The following RPTOR variants were observed in gnomAD, a reference collection of about 807,000 sequenced individuals.
The protein encoded by RPTOR is regulatory-associated protein of mTOR.
A neutral mutation model predicts 169.9 loss-of-function variants in RPTOR; 21 were observed. The ratio of observed to expected loss-of-function variants is 0.12; its 90% CI spans 0.09 to 0.18. The LOEUF is 0.18. Ranked by LOEUF, RPTOR falls within the 10% of genes least tolerant of loss-of-function variation. The probability of loss-of-function intolerance (pLI) is 1.00; values close to 1 mark genes in which losing one functional copy is unlikely to be tolerated. For synonymous variants in RPTOR, 732 were observed against 753.2 expected, an observed-to-expected ratio of 0.97 and a Z score of 0.46; for missense variants, 1,133 against 1,855.9, an observed-to-expected ratio of 0.61 and a Z score of 7.16.
chr17:80,857,340 C>T (rs1567952027), intron 12 of RPTOR, among the ~76,000 whole-genome samples: 1 of 152,160 alleles, frequency 6.6e-6, no homozygotes, highest in South Asian at 2.1e-4. Context: ...CTGGCCGTGC[C>T]GTCACGGAGA....
At chr17:80,577,663 T>C (rs1315341797) in intron 1 of RPTOR, among the ~76,000 whole-genome samples, 1 of 152,086 alleles carries the variant, frequency 6.6e-6, no homozygotes, top group African/African-American at 2.4e-5. Flanking sequence ...AAGCAATAGA[T>C]AAAGAGGTAG....
intron 1 of RPTOR, among the ~76,000 whole-genome samples, chr17:80,553,051 G>C (rs1305999888): frequency 6.6e-6 from 1 of 152,218 alleles, no homozygotes; most frequent in Admixed American, 6.5e-5. Flanking sequence ...TTTCCACTCT[G>C]TTGATACCTG....
intron 6 of RPTOR, among the ~76,000 whole-genome samples, chr17:80,784,744 G>A (rs2066975083): frequency 6.6e-6 from 1 of 151,006 alleles, no homozygotes; most frequent in Admixed American, 6.6e-5. Flanking sequence ...TTTTGCCAAG[G>A]CTGGAGTGCA....
chr17:80,898,015 C>G (rs1364870613), intron 20 of RPTOR, among the ~76,000 whole-genome samples: 1 of 152,216 alleles, frequency 6.6e-6, no homozygotes, highest in Non-Finnish European at 1.5e-5. Context: ...TTTTATAAGA[C>G]AAAGATGATG....
At chr17:80,575,701 C>A (rs2064957073) in intron 1 of RPTOR, among the ~76,000 whole-genome samples, 1 of 152,160 alleles carries the variant, frequency 6.6e-6, no homozygotes, top group African/African-American at 2.4e-5. Context: ...GTTGGTGCCA[C>A]CTTTTATACG....
rs147376628 is a variant in RPTOR, at chr17:80,869,502, G to A, written c.1510-10913G>A. ...AAGAAACACCCCCAAAAATGTGGGG[G>A]GATTTATTCTCAAGACTAATGTGTA... is the stretch of plus-strand genomic sequence containing the variant. On this transcript the variant is annotated intron_variant, in intron 13 of 33. Transcript: ENST00000306801. 7.8e-3 allele frequency among the ~76,000 whole-genome samples: 1,185 copies of A among 152,200 alleles called. 18 individuals carry two copies. Among genetic ancestry groups the A allele is most frequent in the African/African-American group, 0.027 (1,120 of 41,516 alleles).
intron 1 of RPTOR, among the ~76,000 whole-genome samples, chr17:80,549,031 A>C (rs909236048): frequency 6.6e-6 from 1 of 152,162 alleles, no homozygotes; most frequent in African/African-American, 2.4e-5. Flanking sequence ...GATGACTCCC[A>C]AGAAGTTTTT....
rs931060681 is a variant in RPTOR at position 80,651,507 on chromosome 17, T to A, written c.348+7697T>A. On this transcript the variant is annotated intron_variant, in intron 3 of 33. Coordinates refer to ENST00000306801, the MANE Select transcript of RPTOR (RefSeq NM_020761.3). This position sits in a 1 kb window ranked among gnomAD's most constrained non-coding sequence, Gnocchi z 4.1. ...CAGCTCCCTCCCAAATGTCCGCGATTTACTTGTTGGTATGACACATAATGG... is the reference window on the plus strand; with the variant it reads ...CAGCTCCCTCCCAAATGTCCGCGATATACTTGTTGGTATGACACATAATGG... Among the ~76,000 whole-genome samples the A allele has an allele frequency of 5.9e-5, 9 of 151,370 alleles. No homozygotes were observed. Among genetic ancestry groups the A allele is most frequent in the African/African-American group, 2.2e-4 (9 of 40,884 alleles).
chr17:80,862,770 T>G (rs1478071185), intron 13 of RPTOR, among the ~76,000 whole-genome samples: 2 of 152,222 alleles, frequency 1.3e-5, no homozygotes, highest in Non-Finnish European at 2.9e-5. Flanking sequence ...TCCCTGTGAC[T>G]CCTGGGGCTT....
At chr17:80,883,563 G>C in intron 15 of RPTOR, 79 bp downstream of exon 15, 1 of 1,429,146 alleles carries the variant, frequency 7.0e-7, no homozygotes, top group Non-Finnish European at 9.8e-7. Context: ...GAAACGTGGT[G>C]CCACATGGGG....
intron 3 of RPTOR, among the ~76,000 whole-genome samples, chr17:80,647,102 G>A (rs1390084415): frequency 6.6e-6 from 1 of 152,092 alleles, no homozygotes; most frequent in Admixed American, 6.5e-5. Context: ...ATTTTTTTCT[G>A]AAGGCTGCCA....
At position 80,826,571 on chromosome 17, in the gene RPTOR, C is replaced by T. The variant is rs532922827; in HGVS notation, c.1136+3348C>T. 6.6e-5 allele frequency among the ~76,000 whole-genome samples: 10 copies of T among 152,372 alleles called. No homozygotes were observed. In the South Asian group the frequency reaches 1.2e-3, roughly 19 times the overall value. On this transcript the variant is annotated intron_variant, in intron 9 of 33. Transcript: ENST00000306801. ...GAACTGTGTTCATGTAGAATCACAG[C>T]GGCGATGCCCTTAATTGCTAGGCTG...
intron 9 of RPTOR, among the ~76,000 whole-genome samples, chr17:80,826,444 G>T (rs981223102): frequency 2.0e-5 from 3 of 152,224 alleles, no homozygotes; most frequent in African/African-American, 7.2e-5. Context: ...CGCAGGTCTG[G>T]ACTAGAAGAG....
In RPTOR at chr17:80,730,750, G is replaced by GTTTTTT. The variant is rs2066384349; in HGVS notation, c.654+48_654+49insTTTTTT. 6.4e-5 allele frequency: 35 copies of GTTTTTT among 550,284 alleles called. No homozygotes were observed. The highest frequency in any genetic ancestry group is 6.5e-4 in the Middle Eastern group (1 of 1,546). 34.1% of individuals were successfully genotyped at this position (550,284 alleles called of 1,614,324 possible). A position where few individuals can be genotyped will look rare whatever the true frequency, so the allele number is the denominator to read the frequency against. ...GGAGAGCGGTGCTGGGTTTGGTTTT[G>GTTTTTT]TTTTCCCTGGGGGTGGGGTTTGGGT... On this transcript the variant is annotated intron_variant, in intron 5 of 33. Coordinates refer to ENST00000306801, the MANE Select transcript of RPTOR (RefSeq NM_020761.3). This position sits in a 1 kb window ranked among gnomAD's most constrained non-coding sequence, Gnocchi z 4.2.
intron 6 of RPTOR, among the ~76,000 whole-genome samples, chr17:80,760,646 G>T (rs1180212043): frequency 6.6e-6 from 1 of 152,152 alleles, no homozygotes; most frequent in African/African-American, 2.4e-5. Context: ...GCCAGATTTG[G>T]CCCAGGAGCT....
At chr17:80,895,544 G>A (rs1451440411) in intron 20 of RPTOR, among the ~76,000 whole-genome samples, 2 of 152,246 alleles carry the variant, frequency 1.3e-5, no homozygotes, top group Non-Finnish European at 2.9e-5. Flanking sequence ...CCAGTGCCTG[G>A]TACGCAGTAG....
intron 1 of RPTOR, among the ~76,000 whole-genome samples, chr17:80,570,519 G>GGC (rs2064893627): frequency 6.6e-6 from 1 of 152,040 alleles, no homozygotes; most frequent in Non-Finnish European, 1.5e-5. Context: ...GGAGTGCAAT[G>GGC]GTGCAGTCTC....
intron 6 of RPTOR, among the ~76,000 whole-genome samples, chr17:80,783,176 C>T (rs1007533423): frequency 4.6e-5 from 7 of 152,226 alleles, no homozygotes; most frequent in Admixed American, 2.0e-4. Flanking sequence ...TCTTGGCATT[C>T]TTCGAAAATA....
At chr17:80,821,535 G>A (rs1322418584) in intron 7 of RPTOR, among the ~76,000 whole-genome samples, 2 of 152,098 alleles carry the variant, frequency 1.3e-5, no homozygotes, top group African/African-American at 4.8e-5. Context: ...AGTGGTCCTT[G>A]GTGCTGCCTG....
Sources: allele counts gnomAD v4.1 joint callset (sites outside exome capture counted in the v4.1 genomes callset), GRCh38; gene constraint gnomAD v4.1.1; non-coding constraint Gnocchi (gnomAD v3.1); transcripts MANE v1.5; gene names NCBI Gene and HGNC (gene_info 2026-07-23, HGNC 2026-07-21).